HOXB3: variants seen among roughly 807,000 people sequenced by gnomAD.
HOXB3 encodes the protein homeobox B3.
A neutral mutation model predicts 29.2 loss-of-function variants in HOXB3; 17 were observed. The ratio of observed to expected loss-of-function variants is 0.58; its 90% confidence interval spans 0.40 to 0.87. The LOEUF (loss-of-function observed/expected upper bound fraction) is 0.87, where lower values mean the gene tolerates loss of function less well. Ranked by LOEUF, HOXB3 falls within the 40% of genes least tolerant of loss-of-function variation. The pLI, the probability that HOXB3 is intolerant of heterozygous loss-of-function variation, is 0.00. For synonymous variants in HOXB3, 317 were observed against 285.9 expected (o/e 1.11, Z -1.10); for missense variants, 637 against 616.3 (o/e 1.03, Z -0.35).
Position 48,552,274 on chromosome 17 carries a change from C to T in HOXB3, c.201G>A (p.Lys67=), listed in dbSNP as rs776555277. The change falls in exon 4 of 5, where the codon AAG becomes AAA. Residue 67 remains lysine (K), a synonymous_variant. Transcript: ENST00000498678. ...GCCTCATGCAGCTGCCGTTGAGCTC[C>T]TTGCTCTTGGCATGTGGGGCAGCGT... ...LGNAAPHAKS[K]ELNGSCMRPG... 5.6e-6 allele frequency: 9 copies of T among 1,613,952 alleles called. No individual in the cohort carries two copies. In the South Asian group the frequency reaches 8.8e-5, roughly 16 times the overall value.
At chr17:48,563,749 T>G (rs925415203) in intron 2 of HOXB3, among the ~76,000 whole-genome samples, 1 of 152,172 alleles carries the variant, frequency 6.6e-6, no homozygotes, top group African/African-American at 2.4e-5. Flanking sequence ...TCAGCCTCAG[T>G]GCAATCCCTT....
At chr17:48,579,632 A>G (rs1051474966) in intron 1 of HOXB3, 2 of 169,468 alleles carry the variant, frequency 1.2e-5, no homozygotes, top group African/African-American at 2.4e-5. Context: ...TTAACCTCTT[A>G]AAGAGATGTG....
intron 1 of HOXB3, chr17:48,576,654 C>A: frequency 1.5e-6 from 1 of 645,460 alleles, no homozygotes; most frequent in East Asian, 4.7e-5. Context: ...CTCCTGTCCC[C>A]CCACCCCATC....
intron 1 of HOXB3, chr17:48,576,755 A>C (rs1210359265): frequency 2.1e-6 from 3 of 1,425,406 alleles, no homozygotes; most frequent in Non-Finnish European, 2.8e-6. Flanking sequence ...TGGGCCGGCC[A>C]GGGGGCCCTC....
intron 1 of HOXB3, chr17:48,576,662 A>T (rs940017798): frequency 1.6e-5 from 2 of 126,082 alleles, no homozygotes; most frequent in South Asian, 1.2e-4. Context: ...CCCCCACCCC[A>T]TCCCCTGCAC....
At position 48,550,671 on chromosome 17, in the gene HOXB3, T is replaced by G. The variant is rs771061873; in HGVS notation, c.959A>C (p.Lys320Thr). Residue 320 changes from lysine to threonine, a missense_variant, in exon 5 of 5, where the codon AAG becomes ACG. Coordinates refer to ENST00000498678, the MANE Select transcript of HOXB3 (RefSeq NM_001384749.1). ...PPLKGCGAPQ[K>T]YPPTPAPEYE... ...CTCGGGCGCCGGGGTCGGAGGGTACTTCTGCGGGGCGCCGCAGCCTTTGAG... is the reference window on the plus strand; with the variant it reads ...CTCGGGCGCCGGGGTCGGAGGGTACGTCTGCGGGGCGCCGCAGCCTTTGAG... 1.3e-6 allele frequency: 2 copies of G among 1,529,836 alleles called. No homozygotes were observed. The highest frequency in any genetic ancestry group is 4.2e-5 in the Admixed American group (2 of 47,084). 94.8% of individuals were successfully genotyped at this position (1,529,836 alleles called of 1,614,324 possible).
In HOXB3 at chr17:48,562,706, T is replaced by C. The variant is rs191148790; in HGVS notation, c.-246-7088A>G. ...CCCAGCCGCTTCCTCTCAGATTTCATTGGTGCGGGGCCCAAGTGTCTGGTG... is the reference window on the plus strand; with the variant it reads ...CCCAGCCGCTTCCTCTCAGATTTCACTGGTGCGGGGCCCAAGTGTCTGGTG... On this transcript the variant is annotated intron_variant, in intron 2 of 4. Transcript: ENST00000498678. Among the ~76,000 whole-genome samples, 317 of 152,326 alleles carry C rather than the reference T, an allele frequency of 2.1e-3. 1 individual carries two copies. Among genetic ancestry groups the C allele is most frequent in the African/African-American group, 6.3e-3 (261 of 41,564 alleles).
At chr17:48,585,302 T>G (rs1333463956) in intron 1 of HOXB3, among the ~76,000 whole-genome samples, 1 of 152,196 alleles carries the variant, frequency 6.6e-6, no homozygotes, top group Admixed American at 6.5e-5. Flanking sequence ...GGTTGCCGGA[T>G]GAGGAGACCT....
At chr17:48,575,192 C>T (rs886288743) in intron 1 of HOXB3, 1 of 152,232 alleles carries the variant, frequency 6.6e-6, no homozygotes, top group Non-Finnish European at 1.5e-5. Flanking sequence ...CTTTGCCGTA[C>T]TTAAGCCTCT....
Position 48,562,813 on chromosome 17 carries a change from G to C in HOXB3, c.-246-7195C>G, listed in dbSNP as rs139072913. Among the ~76,000 whole-genome samples, 363 of 152,274 alleles carry C rather than the reference G, an allele frequency of 2.4e-3. 1 individual carries two copies. The highest frequency in any genetic ancestry group is 7.6e-3 in the African/African-American group (316 of 41,532). On this transcript the variant is annotated intron_variant, in intron 2 of 4. Transcript: ENST00000498678. ...TAATGCAAAACAATTTCCAGGCAAA[G>C]CTGGGTGTCTGGACAGAAATGCAAG...
At chr17:48,581,126 A>T (rs917004606) in intron 1 of HOXB3, 3 of 152,126 alleles carry the variant, frequency 2.0e-5, no homozygotes, top group African/African-American at 7.2e-5. Context: ...TAACTGCAAC[A>T]CTCCAGAGAT....
rs1200823391 is a variant in HOXB3, at chr17:48,555,556, G to C, written c.-184C>G. On this transcript the variant is annotated 5_prime_UTR_variant, in exon 3 of 5. Transcript: ENST00000498678. ...CTTAGCCACCGACGAGGGGAGAACAGGCAGACATAATATATATTCACATCG... is the reference window on the plus strand; with the variant it reads ...CTTAGCCACCGACGAGGGGAGAACACGCAGACATAATATATATTCACATCG... 1.4e-6 allele frequency: 1 copy of C among 702,656 alleles called. No homozygotes were observed. The highest frequency in any genetic ancestry group is 2.7e-5 in the East Asian group (1 of 37,292). 43.5% of individuals were successfully genotyped at this position (702,656 alleles called of 1,614,324 possible).
intron 1 of HOXB3, chr17:48,576,609 G>C (rs1251676967): frequency 1.1e-6 from 1 of 908,882 alleles, no homozygotes; most frequent in Non-Finnish European, 1.6e-6. Context: ...GGGGAGGGCA[G>C]ATAGATTTTT....
chr17:48,581,313 C>A (rs2069930093), intron 1 of HOXB3: 1 of 152,234 alleles, frequency 6.6e-6, no homozygotes, highest in Non-Finnish European at 1.5e-5. Flanking sequence ...GCTGAACTCA[C>A]ACATATTTGG....
At chr17:48,587,301 A>G (rs1243178728) in intron 1 of HOXB3, among the ~76,000 whole-genome samples, 1 of 152,146 alleles carries the variant, frequency 6.6e-6, no homozygotes, top group Non-Finnish European at 1.5e-5. Flanking sequence ...AGCAATCAAT[A>G]AGTCTCACTG....
chr17:48,566,776 C>G (rs1489435474), intron 2 of HOXB3, among the ~76,000 whole-genome samples: 1 of 152,134 alleles, frequency 6.6e-6, no homozygotes, highest in Non-Finnish European at 1.5e-5. Context: ...AACTCCAAGA[C>G]TTTGCCCTAA....
chr17:48,578,257 C>G lies in HOXB3; in HGVS notation c.-424-4243G>C, dbSNP rs534405793. 9.0e-5 allele frequency: 146 copies of G among 1,614,052 alleles called. 3 individuals are homozygous for G. In the South Asian group the frequency reaches 1.3e-3, roughly 14 times the overall value. On this transcript the variant is annotated intron_variant, in intron 1 of 4. Coordinates refer to ENST00000498678, the MANE Select transcript of HOXB3 (RefSeq NM_001384749.1). ...GTAGGTAATCGCTCTGTGAATATTCCTCGCATGGAGGGAACTTGGGGTCGA... is the reference window on the plus strand; with the variant it reads ...GTAGGTAATCGCTCTGTGAATATTCGTCGCATGGAGGGAACTTGGGGTCGA...
rs1567943540 is a variant in HOXB3, at chr17:48,550,874, CAA to C, written c.754_755del (p.Leu252GlyfsTer44). ...KYKKDQKAKG[L>X]ASSSGGPSPA... Reference sequence around the variant, plus strand: ...GAGATGGGCCCCCCGACGACGAGGCCAATCCCTTGGCCTTCTGGTCCTTCTTG... The same window carrying C: ...GAGATGGGCCCCCCGACGACGAGGCCTCCCTTGGCCTTCTGGTCCTTCTTG... On this transcript the variant is annotated frameshift_variant, in exon 5 of 5. Transcript: ENST00000498678. LOFTEE classifies it high-confidence loss of function. The C allele has an allele frequency of 6.2e-7, 1 of 1,613,956 alleles. No individual in the cohort carries two copies. Among genetic ancestry groups the C allele is most frequent in the Non-Finnish European group, 8.5e-7 (1 of 1,179,912 alleles).
chr17:48,552,780 A>G (rs959831873), intron 3 of HOXB3, 148 bp from the exon 4 acceptor site: 48 of 367,832 alleles, frequency 1.3e-4, no homozygotes, highest in African/African-American at 6.8e-4. Context: ...AAAAAAGCCC[A>G]CCAGTTTTCA....
Sources: allele counts gnomAD v4.1 joint callset (sites outside exome capture counted in the v4.1 genomes callset), GRCh38; gene constraint gnomAD v4.1.1; transcripts MANE v1.5; gene names NCBI Gene and HGNC (gene_info 2026-07-23, HGNC 2026-07-21).